Variants in LINGO2 observed in about 807,000 individuals in gnomAD.
The protein encoded by LINGO2 is leucine rich repeat and Ig domain containing 2.
In LINGO2, 14 loss-of-function variants were observed where a neutral mutation model predicts 30.6. The ratio of observed to expected loss-of-function variants is 0.46; its 90% confidence interval spans 0.30 to 0.72. LINGO2 has a LOEUF of 0.72. Ranked by LOEUF, LINGO2 falls within the 30% of genes least tolerant of loss-of-function variation. The pLI, the probability that LINGO2 is intolerant of heterozygous loss-of-function variation, is 0.07. For missense variants in LINGO2, 729 were observed against 751.7 expected, an observed-to-expected ratio of 0.97 and a Z score of 0.35; for synonymous variants, 317 against 288.5, an observed-to-expected ratio of 1.10 and a Z score of -1.00.
intron 4 of LINGO2, among the ~76,000 whole-genome samples, chr9:28,271,286 T>C (rs925732774): frequency 7.2e-5 from 11 of 152,294 alleles, no homozygotes; most frequent in Middle Eastern, 3.4e-3. Context: ...TATTCACTTA[T>C]AAATGACTTT....
At chr9:28,843,610 G>GA in the LINGO2 span, among the ~76,000 whole-genome samples, 1 of 151,790 alleles carries the variant, frequency 6.6e-6, no homozygotes, top group African/African-American at 2.4e-5. Flanking sequence ...AGTGAACAGA[G>GA]AAAGGGGAGG....
At position 28,600,093 on chromosome 9, in the gene LINGO2, A is replaced by G. The variant is rs1304221123; in HGVS notation, c.-365+70107T>C. 5.3e-5 allele frequency among the ~76,000 whole-genome samples: 8 copies of G among 152,282 alleles called. No homozygotes were observed. The East Asian group carries it at 1.5e-3, about 29-fold the overall frequency. On this transcript the variant is annotated intron_variant, in intron 1 of 5. Coordinates refer to ENST00000379992, the Ensembl canonical transcript of LINGO2. ...TAAAGAGCTACCACAATTCCACTCC[A>G]CCATTGCTATGAAAAAAGATGATCA...
At chr9:28,232,023 A>G (rs1821373324) in intron 4 of LINGO2, among the ~76,000 whole-genome samples, 1 of 152,060 alleles carries the variant, frequency 6.6e-6, no homozygotes, top group Non-Finnish European at 1.5e-5. Context: ...ACAAGTTCAA[A>G]CCCCATGCTA....
intron 4 of LINGO2, among the ~76,000 whole-genome samples, chr9:28,201,233 C>G (rs1333698188): frequency 6.9e-6 from 1 of 145,354 alleles, no homozygotes; most frequent in Non-Finnish European, 1.5e-5. Flanking sequence ...CCCCCTCCCC[C>G]CAACCCCACC....
At position 28,052,083 on chromosome 9, in the gene LINGO2, G is replaced by A. The variant is rs555474325; in HGVS notation, c.-86-39678C>T. Among the ~76,000 whole-genome samples, 50 of 152,148 alleles carry A rather than the reference G, an allele frequency of 3.3e-4. 1 individual carries two copies. The highest frequency in any genetic ancestry group is 1.2e-3 in the African/African-American group (48 of 41,536). On this transcript the variant is annotated intron_variant, in intron 4 of 5. Coordinates refer to ENST00000379992, the Ensembl canonical transcript of LINGO2. ...GATATGCTAAGGAGCTTTGAATTTA[G>A]CAGAGGGTAAACTGGGCCCAGTAAG...
the LINGO2 span, among the ~76,000 whole-genome samples, chr9:28,968,869 C>A: frequency 6.6e-6 from 1 of 152,078 alleles, no homozygotes; most frequent in Non-Finnish European, 1.5e-5. Context: ...TATCAAACCA[C>A]GACAGAGTGC....
intron 4 of LINGO2, among the ~76,000 whole-genome samples, chr9:28,198,694 A>C (rs1012340763): frequency 3.3e-5 from 5 of 152,156 alleles, no homozygotes; most frequent in African/African-American, 4.8e-5. Context: ...TTTTGAAGAA[A>C]ACAGTCAAAA....
At chr9:28,911,200 C>T in the LINGO2 span, among the ~76,000 whole-genome samples, 2 of 151,958 alleles carry the variant, frequency 1.3e-5, no homozygotes, top group African/African-American at 4.8e-5. Flanking sequence ...TAACAAAATG[C>T]ATACGTATTT....
chr9:28,964,570 C>T, the LINGO2 span, among the ~76,000 whole-genome samples: 3 of 151,760 alleles, frequency 2.0e-5, no homozygotes, highest in East Asian at 1.9e-4. Flanking sequence ...AAACCACCGA[C>T]GAGTTACAAA....
chr9:28,629,693 T>G (rs1242900536), intron 1 of LINGO2, among the ~76,000 whole-genome samples: 1 of 152,096 alleles, frequency 6.6e-6, no homozygotes, highest in Non-Finnish European at 1.5e-5. Context: ...TTCAGAATGC[T>G]TTCCATCTGG....
the LINGO2 span, among the ~76,000 whole-genome samples, chr9:29,039,874 A>G: frequency 6.6e-5 from 10 of 152,288 alleles, no homozygotes; most frequent in East Asian, 1.9e-3. Flanking sequence ...GTGAAAATGC[A>G]TAGTAATTAT....
At chr9:28,788,294 G>T in the LINGO2 span, among the ~76,000 whole-genome samples, 1 of 152,182 alleles carries the variant, frequency 6.6e-6, no homozygotes, top group Non-Finnish European at 1.5e-5. Context: ...AACTGTGTCA[G>T]AAGGGTTTCA....
At chr9:28,088,971 C>G (rs1825995029) in intron 4 of LINGO2, among the ~76,000 whole-genome samples, 1 of 152,000 alleles carries the variant, frequency 6.6e-6, no homozygotes, top group Non-Finnish European at 1.5e-5. Flanking sequence ...ACAAAGAAGG[C>G]CATTACATAA....
chr9:28,751,256 AC>A, the LINGO2 span, among the ~76,000 whole-genome samples: 2 of 130,654 alleles, frequency 1.5e-5, no homozygotes, highest in South Asian at 2.5e-4. Flanking sequence ...ATGTCACTGC[AC>A]TCCAATCTGG....
intron 1 of LINGO2, among the ~76,000 whole-genome samples, chr9:28,577,184 A>T (rs954015140): frequency 2.6e-5 from 4 of 152,202 alleles, no homozygotes; most frequent in African/African-American, 9.6e-5. Context: ...AAAATGTAGG[A>T]GTATTTAAAT....
intron 4 of LINGO2, among the ~76,000 whole-genome samples, chr9:28,034,970 G>C (rs1413277751): frequency 3.3e-5 from 5 of 152,198 alleles, no homozygotes; most frequent in Non-Finnish European, 5.9e-5. Flanking sequence ...CTGTGTACAT[G>C]AGAAGTATCT....
At chr9:29,193,465 C>T in the LINGO2 span, among the ~76,000 whole-genome samples, 2 of 152,076 alleles carry the variant, frequency 1.3e-5, no homozygotes, top group African/African-American at 4.8e-5. Context: ...ATCCTCTATT[C>T]CTTCACTTCT....
chr9:28,098,436 G>A (rs1264959762), intron 4 of LINGO2, among the ~76,000 whole-genome samples: 2 of 152,174 alleles, frequency 1.3e-5, no homozygotes, highest in Non-Finnish European at 2.9e-5. Context: ...ATATTTCTTT[G>A]TCACTGTCTG....
intron 4 of LINGO2, among the ~76,000 whole-genome samples, chr9:28,232,244 C>CA (rs979173632): frequency 2.6e-5 from 4 of 151,620 alleles, no homozygotes; most frequent in African/African-American, 9.7e-5. Flanking sequence ...ACTAAAATTA[C>CA]AAAAAATAGC....
Sources: allele counts gnomAD v4.1 joint callset (sites outside exome capture counted in the v4.1 genomes callset), GRCh38; gene constraint gnomAD v4.1.1; transcripts MANE v1.5; gene names NCBI Gene and HGNC (gene_info 2026-07-23, HGNC 2026-07-21).